IPO11: variants seen among roughly 807,000 people sequenced by gnomAD.
The protein encoded by IPO11 is importin-11.
IPO11 carries 66 observed loss-of-function variants against 143.2 expected under a neutral mutation model. The observed-to-expected ratio is 0.46, with a 90% CI of 0.38 to 0.57. The LOEUF (loss-of-function observed/expected upper bound fraction) is 0.57, where lower values mean the gene tolerates loss of function less well. Among genes scored for constraint, IPO11 ranks in the 20% least tolerant of loss-of-function variants. IPO11 has a pLI of 0.00. For synonymous variants in IPO11, 385 were observed against 377.8 expected, an observed-to-expected ratio of 1.02 and a Z score of -0.22; for missense variants, 1,026 against 1,141.0, an observed-to-expected ratio of 0.90 and a Z score of 1.45.
chr5:62,451,359 A>C (rs1163463534), intron 4 of IPO11, among the ~76,000 whole-genome samples: 1 of 152,246 alleles, frequency 6.6e-6, no homozygotes, highest in African/African-American at 2.4e-5. Flanking sequence ...GCTATTTCCA[A>C]AACAATAAAA....
chr5:62,476,623 T>C (rs1745965185), intron 8 of IPO11, 60 bp from the exon 9 acceptor site: 2 of 1,447,812 alleles, frequency 1.4e-6, no homozygotes, highest in African/African-American at 1.5e-5. Context: ...TGTAAAAATT[T>C]TGATGTTGTC....
At chr5:62,494,502 AT>A (rs953646792) in intron 16 of IPO11, among the ~76,000 whole-genome samples, 5 of 151,812 alleles carry the variant, frequency 3.3e-5, no homozygotes, top group South Asian at 2.1e-4. Context: ...CATTTTGAGA[AT>A]TTTTTTTAAG....
Position 62,550,350 on chromosome 5 carries a change from T to C in IPO11, c.2251-17T>C. The C allele has an allele frequency of 6.4e-7, 1 of 1,572,222 alleles. No individual in the cohort carries two copies. On this transcript the variant is annotated splice_polypyrimidine_tract_variant and intron_variant, in intron 24 of 29. Coordinates refer to ENST00000325324, the MANE Select transcript of IPO11 (RefSeq NM_016338.5). ...TGACTTGCAGTATTATCACCAATCT[T>C]TCTTTCTGGTTTTTAGGTTGTGGAA...
At chr5:62,623,943 T>A (rs934403199) in intron 29 of IPO11, among the ~76,000 whole-genome samples, 1 of 151,904 alleles carries the variant, frequency 6.6e-6, no homozygotes, top group Non-Finnish European at 1.5e-5. Flanking sequence ...ATTACTTGAT[T>A]ATATGCTAAA....
intron 1 of IPO11, among the ~76,000 whole-genome samples, chr5:62,432,056 G>A (rs1255984022): frequency 2.6e-5 from 4 of 152,026 alleles, no homozygotes; most frequent in Non-Finnish European, 4.4e-5. Flanking sequence ...CACTCAGCCC[G>A]AAAAAACTGA....
chr5:62,518,748 G>T (rs1742109531), intron 20 of IPO11, among the ~76,000 whole-genome samples: 1 of 152,134 alleles, frequency 6.6e-6, no homozygotes, highest in Non-Finnish European at 1.5e-5. Context: ...TGGAAATCCA[G>T]ATTCTGGTAG....
intron 15 of IPO11, among the ~76,000 whole-genome samples, chr5:62,492,906 G>T (rs1740978917): frequency 1.3e-5 from 2 of 150,264 alleles, no homozygotes; most frequent in African/African-American, 2.4e-5. Flanking sequence ...GCAATTTTTT[G>T]GGAAAAAAAA....
intron 24 of IPO11, among the ~76,000 whole-genome samples, chr5:62,547,241 CAT>C (rs758567733): frequency 2.0e-5 from 3 of 152,064 alleles, no homozygotes; most frequent in East Asian, 1.9e-4. Context: ...TTTTGAAACT[CAT>C]ATGTGTATAT....
chr5:62,549,487 A>G (rs1486125256), intron 24 of IPO11, among the ~76,000 whole-genome samples: 4 of 152,200 alleles, frequency 2.6e-5, no homozygotes, highest in Non-Finnish European at 5.9e-5. Flanking sequence ...TTCTCTTCAT[A>G]CAAAATGTCA....
At chr5:62,472,079 C>T (rs1032173915) in intron 7 of IPO11, among the ~76,000 whole-genome samples, 2 of 152,148 alleles carry the variant, frequency 1.3e-5, no homozygotes, top group Admixed American at 1.3e-4. Flanking sequence ...CTTTTCAATT[C>T]CCTAACTAGA....
At chr5:62,579,725 TTCTG>T (rs1744468673) in intron 27 of IPO11, 3 of 1,548,142 alleles carry the variant, frequency 1.9e-6, no homozygotes, top group African/African-American at 1.4e-5. Context: ...AATTCTAACA[TTCTG>T]TATGTATATC....
At chr5:62,522,720 G>A (rs568185176) in intron 20 of IPO11, among the ~76,000 whole-genome samples, 40 of 152,268 alleles carry the variant, frequency 2.6e-4, no homozygotes, top group African/African-American at 9.4e-4. Flanking sequence ...TAATCTTCCT[G>A]TTTTATGTCA....
intron 29 of IPO11, among the ~76,000 whole-genome samples, chr5:62,612,323 A>G (rs1435210413): frequency 6.6e-6 from 1 of 152,174 alleles, no homozygotes; most frequent in Non-Finnish European, 1.5e-5. Context: ...GTCTATTGAT[A>G]TGGTTTCAGA....
At chr5:62,464,769 G>T (rs1045295551) in intron 5 of IPO11, among the ~76,000 whole-genome samples, 1 of 152,118 alleles carries the variant, frequency 6.6e-6, no homozygotes, top group Non-Finnish European at 1.5e-5. Flanking sequence ...CATCGCGCCT[G>T]GTCTGAGCAT....
At chr5:62,619,922 T>G (rs1202243499) in intron 29 of IPO11, among the ~76,000 whole-genome samples, 1 of 152,026 alleles carries the variant, frequency 6.6e-6, no homozygotes, top group African/African-American at 2.4e-5. Flanking sequence ...GCCAGAAAAT[T>G]CTGTCTTCTG....
At chr5:62,519,860 G>A (rs1038571692) in intron 20 of IPO11, among the ~76,000 whole-genome samples, 1 of 152,160 alleles carries the variant, frequency 6.6e-6, no homozygotes, top group African/African-American at 2.4e-5. Context: ...TCAGCTTGTT[G>A]GCAGAGTTTA....
At chr5:62,627,051 A>G (rs1746609428) in intron 29 of IPO11, 103 bp from the exon 30 acceptor site, 2 of 990,338 alleles carry the variant, frequency 2.0e-6, no homozygotes, top group South Asian at 2.1e-5. Flanking sequence ...GGCAGAAGCA[A>G]TTTTGTTACT....
intron 29 of IPO11, among the ~76,000 whole-genome samples, chr5:62,616,882 A>G (rs939860568): frequency 1.3e-5 from 2 of 152,142 alleles, no homozygotes; most frequent in African/African-American, 2.4e-5. Flanking sequence ...ACATTTTGTC[A>G]TTTCTATAAA....
At chr5:62,526,624 A>G (rs1742378148) in intron 21 of IPO11, 3 of 184,936 alleles carry the variant, frequency 1.6e-5, no homozygotes, top group Non-Finnish European at 3.4e-5. Flanking sequence ...TTGAGATATT[A>G]TACCTTAGCT....
Sources: allele counts gnomAD v4.1 joint callset (sites outside exome capture counted in the v4.1 genomes callset), GRCh38; gene constraint gnomAD v4.1.1; transcripts MANE v1.5; gene names NCBI Gene and HGNC (gene_info 2026-07-23, HGNC 2026-07-21).